The following FYTTD1 variants were observed in gnomAD, a reference collection of about 807,000 sequenced individuals.
FYTTD1 encodes forty-two-three domain containing 1, also known as UAP56-interacting factor.
FYTTD1 carries 22 observed loss-of-function variants against 40.9 expected under a neutral mutation model. The observed-to-expected ratio is 0.54, with a 90% CI of 0.38 to 0.77. The LOEUF (loss-of-function observed/expected upper bound fraction) is 0.77, where lower values mean the gene tolerates loss of function less well. Among genes scored for constraint, FYTTD1 ranks in the 30% least tolerant of loss-of-function variants. The pLI, the probability that FYTTD1 is intolerant of heterozygous loss-of-function variation, is 0.00. For missense variants in FYTTD1, 351 were observed against 392.2 expected (o/e 0.90, Z 0.89); for synonymous variants, 140 against 137.9 (o/e 1.01, Z -0.10).
intron 1 of FYTTD1, among the ~76,000 whole-genome samples, chr3:197,751,423 A>G (rs969252555): frequency 6.6e-6 from 1 of 152,304 alleles, no homozygotes; most frequent in Admixed American, 6.5e-5. Context: ...AGGCAGGCAG[A>G]TGGCTTGAGC....
chr3:197,750,239 T>A (rs1728965536), intron 1 of FYTTD1, 165 bp downstream of exon 1: 1 of 837,252 alleles, frequency 1.2e-6, no homozygotes, highest in African/African-American at 1.8e-5. Flanking sequence ...GAGCGCAGGC[T>A]CGACGCCAGG....
At chr3:197,764,553 CA>C (rs1453100449) in intron 2 of FYTTD1, among the ~76,000 whole-genome samples, 5 of 151,682 alleles carry the variant, frequency 3.3e-5, no homozygotes, top group Non-Finnish European at 5.9e-5. Context: ...ACTAAAAATG[CA>C]AAAAATTAGC....
At chr3:197,778,304 A>G in intron 7 of FYTTD1, 34 bp from the exon 8 acceptor site, 4 of 1,538,416 alleles carry the variant, frequency 2.6e-6, no homozygotes, top group Non-Finnish European at 2.7e-6. Flanking sequence ...TTTCATTGTT[A>G]AGCTGCTCTG....
chr3:197,768,411 AT>A (rs1729613735), intron 2 of FYTTD1, 27 bp from the exon 3 acceptor site: 1 of 1,521,586 alleles, frequency 6.6e-7, no homozygotes, highest in Admixed American at 1.9e-5. Context: ...TTAAATTGAC[AT>A]TTTCTTCTGT....
In FYTTD1 at chr3:197,768,511, C is replaced by G. The variant is rs1729617269; in HGVS notation, c.308C>G (p.Thr103Ser). The G allele has an allele frequency of 6.2e-7, 1 of 1,613,302 alleles. No individual in the cohort carries two copies. Among genetic ancestry groups the G allele is most frequent in the Non-Finnish European group, 8.5e-7 (1 of 1,179,310 alleles). ...AAGAGACGTCCTAATGGAGTTATCA[C>G]TGGCCTTGCAGCTAGGAAAACGACT... The part of the protein sequence containing the change: ...PGKRRPNGVI[T>S]GLAARKTTGI... The change falls in exon 3 of 9, where the codon ACT becomes AGT. Residue 103 changes from threonine (T) to serine (S), a missense_variant. Thr to Ser is a moderately conservative substitution (Grantham distance 58, BLOSUM62 1). Transcript: ENST00000241502.
rs111259939 is a variant in FYTTD1 at position 197,757,746 on chromosome 3, G to A, written c.235+1189G>A. Reference sequence around the variant, plus strand: ...GCCATGATGGCACCACAGCACTCCAGCATGAGACTCTGTCTCAAGAAAAGT... The same window carrying A: ...GCCATGATGGCACCACAGCACTCCAACATGAGACTCTGTCTCAAGAAAAGT... On this transcript the variant is annotated intron_variant, in intron 2 of 8. Coordinates refer to ENST00000241502, the MANE Select transcript of FYTTD1 (RefSeq NM_032288.7). 3.2e-3 allele frequency among the ~76,000 whole-genome samples: 486 copies of A among 152,304 alleles called. 2 individuals are homozygous for A. Among genetic ancestry groups the A allele is most frequent in the African/African-American group, 0.01 (423 of 41,558 alleles).
At chr3:197,772,567 T>G (rs927579164) in intron 4 of FYTTD1, among the ~76,000 whole-genome samples, 1 of 152,210 alleles carries the variant, frequency 6.6e-6, no homozygotes, top group African/African-American at 2.4e-5. Flanking sequence ...TTAAGAGCAT[T>G]GTTCTGTGCA....
intron 1 of FYTTD1, among the ~76,000 whole-genome samples, chr3:197,754,667 C>CTTTTT (rs545875999): frequency 1.6e-5 from 2 of 124,362 alleles, no homozygotes; most frequent in African/African-American, 3.0e-5. Context: ...TTTTTTCTTT[C>CTTTTT]TTTTTTTTTT....
rs560907043 is a variant in FYTTD1 at position 197,763,549 on chromosome 3, A to G, written c.236-4890A>G. On this transcript the variant is annotated intron_variant, in intron 2 of 8. Coordinates refer to ENST00000241502, the MANE Select transcript of FYTTD1 (RefSeq NM_032288.7). ...CCCAGCACTTTGGGAGGTGAGAGCA[A>G]GAGGATTGCTTAAGCCAAGGACTTC... is the stretch of plus-strand genomic sequence containing the variant. 8 of 453,390 alleles carry G rather than the reference A, an allele frequency of 1.8e-5. No homozygotes were observed. In the East Asian group the frequency reaches 4.9e-4, roughly 28 times the overall value. 28.1% of individuals were successfully genotyped at this position (453,390 alleles called of 1,614,324 possible).
rs1223563700 is a variant in FYTTD1 at position 197,771,363 on chromosome 3, T to TA, written c.497+1125dup. Among the ~76,000 whole-genome samples the TA allele has an allele frequency of 3.3e-5, 5 of 152,254 alleles. No homozygotes were observed. The East Asian group carries it at 7.7e-4, about 23-fold the overall frequency. On this transcript the variant is annotated intron_variant, in intron 4 of 8. Coordinates refer to ENST00000241502, the MANE Select transcript of FYTTD1 (RefSeq NM_032288.7). ...CAAAAAAAACCTGGAATGAGGTTTT[T>TA]AAAAAATGCAGTGGCTGGGCACAGT...
intron 1 of FYTTD1, among the ~76,000 whole-genome samples, chr3:197,752,347 A>AAGT (rs1302571631): frequency 6.6e-6 from 1 of 152,198 alleles, no homozygotes; most frequent in Non-Finnish European, 1.5e-5. Context: ...AGGTGACAGT[A>AAGT]AGTAGTGTTT....
intron 2 of FYTTD1, chr3:197,763,420 A>AC (rs1483068638): frequency 2.7e-6 from 1 of 367,506 alleles, no homozygotes; most frequent in Non-Finnish European, 5.3e-6. Flanking sequence ...GTCTCAAAAA[A>AC]AAAAAAAAAA....
rs1434706841 is a variant in FYTTD1, at chr3:197,753,153, T to C, written c.103+3079T>C. On this transcript the variant is annotated intron_variant, in intron 1 of 8. Transcript: ENST00000241502. ...GAAATGGGATGAAGAGATCATCCCA[T>C]TTCTATCCTAGACATCATCTATCCT... Among the ~76,000 whole-genome samples the C allele has an allele frequency of 2.6e-5, 4 of 152,186 alleles. No individual in the cohort carries two copies. The East Asian group carries it at 7.7e-4, about 29-fold the overall frequency.
At chr3:197,749,550 C>G (rs1728915037), upstream of FYTTD1, 1 of 1,291,188 alleles carries the variant, frequency 7.7e-7, no homozygotes, top group Admixed American at 2.3e-5. Flanking sequence ...TTGCGGTGGG[C>G]GCGAAAGGCT....
intron 5 of FYTTD1, among the ~76,000 whole-genome samples, chr3:197,773,808 C>T (rs552739201): frequency 2.9e-4 from 44 of 150,460 alleles, no homozygotes; most frequent in African/African-American, 1.0e-3. Context: ...GCTGCACTCA[C>T]GCACACACCC....
At chr3:197,768,038 A>T (rs905923247) in intron 2 of FYTTD1, among the ~76,000 whole-genome samples, 2 of 152,252 alleles carry the variant, frequency 1.3e-5, no homozygotes, top group Non-Finnish European at 2.9e-5. Context: ...TATATAATTT[A>T]TATAAAATCA....
At position 197,782,063 on chromosome 3, in the gene FYTTD1, A is replaced by C. The variant is rs1176254053; in HGVS notation, c.*154A>C. 2 of 457,268 alleles carry C rather than the reference A, an allele frequency of 4.4e-6. No individual in the cohort carries two copies. Among genetic ancestry groups the C allele is most frequent in the Non-Finnish European group, 7.9e-6 (2 of 251,838 alleles). The allele number at this position is 457,268 out of a possible 1,614,324, so 28.3% of individuals were successfully genotyped here. On this transcript the variant is annotated 3_prime_UTR_variant, in exon 9 of 9. Transcript: ENST00000241502. ...TGAAGGTTTTTTTTTTTAAAAAAAA[A>C]AACGTATAAAATAATGCCCTGAAAG...
At chr3:197,764,834 G>A (rs1392987954) in intron 2 of FYTTD1, among the ~76,000 whole-genome samples, 1 of 151,528 alleles carries the variant, frequency 6.6e-6, no homozygotes, top group African/African-American at 2.4e-5. Context: ...CCAAGGGATG[G>A]AGTTCTATTC....
intron 8 of FYTTD1, among the ~76,000 whole-genome samples, chr3:197,781,469 C>T (rs1730027001): frequency 6.6e-6 from 1 of 151,256 alleles, no homozygotes; most frequent in Non-Finnish European, 1.5e-5. Flanking sequence ...GTGTTGAACT[C>T]ACCGTAATTC....
Sources: allele counts gnomAD v4.1 joint callset (sites outside exome capture counted in the v4.1 genomes callset), GRCh38; gene constraint gnomAD v4.1.1; transcripts MANE v1.5; gene names NCBI Gene and HGNC (gene_info 2026-07-23, HGNC 2026-07-21).